ABCA7: variants seen among roughly 807,000 people sequenced by gnomAD.
ABCA7 encodes the protein ATP binding cassette subfamily A member 7, also known as phospholipid-transporting ATPase ABCA7.
A neutral mutation model predicts 227.6 loss-of-function variants in ABCA7; 261 were observed. The ratio of observed to expected loss-of-function variants is 1.15; its 90% CI spans 1.04 to 1.27. ABCA7 has a LOEUF of 1.27. Among genes scored for constraint, ABCA7 ranks in the 50% most tolerant of loss-of-function variants. ABCA7 has a pLI of 0.00. For synonymous variants in ABCA7, 1,488 were observed against 1,279.7 expected, an observed-to-expected ratio of 1.16 and a Z score of -3.47; for missense variants, 3,331 against 2,924.5, an observed-to-expected ratio of 1.14 and a Z score of -3.21.
Position 1,054,641 on chromosome 19 carries a change from C to T in ABCA7, c.3798C>T (p.Tyr1266=). 6.2e-7 allele frequency: 1 copy of T among 1,613,410 alleles called. No individual in the cohort carries two copies. Among genetic ancestry groups the T allele is most frequent in the South Asian group, 1.1e-5 (1 of 91,086 alleles). Residue 1266 remains tyrosine (Y), a synonymous_variant, in exon 28 of 47, where the codon TAC becomes TAT. Transcript: ENST00000263094. The surrounding 1 kb of genome is among the most constrained non-coding windows in gnomAD (Gnocchi z 4.8). ...FSLIVPPFGH[Y]PALRLSPTMY... ...TCATCGTGCCTCCTTTCGGGCACTACCCGGCTCTGCGGCTCAGTCCCACCA... is the reference window on the plus strand; with the variant it reads ...TCATCGTGCCTCCTTTCGGGCACTATCCGGCTCTGCGGCTCAGTCCCACCA...
intron 12 of ABCA7, 23 bp from the exon 13 acceptor site, chr19:1,046,207 C>G: frequency 1.9e-6 from 3 of 1,602,378 alleles, no homozygotes; most frequent in South Asian, 1.1e-5. Context: ...TCCCTACAAC[C>G]GGCCACCATG....
intron 23 of ABCA7, 24 bp downstream of exon 23, chr19:1,052,310 A>G: frequency 6.7e-7 from 1 of 1,491,928 alleles, no homozygotes; most frequent in Non-Finnish European, 8.9e-7. Context: ...TGGGAGACCC[A>G]AGGCGGGTGG....
Position 1,049,268 on chromosome 19 carries a change from C to T in ABCA7, c.2383C>T (p.Leu795=). Residue 795 remains leucine (L), a splice_region_variant and synonymous_variant, in exon 18 of 47, where the codon CTG becomes TTG. Transcript: ENST00000263094. ...PCPTPLDPKV[L]VEEAPPGLSP... is the part of the protein sequence containing the mutation. ...CTGAGTCCACCCCATCTCTGCAGTGCTGGTAGAAGAGGCACCGCCCGGCCT... is the reference window on the plus strand; with the variant it reads ...CTGAGTCCACCCCATCTCTGCAGTGTTGGTAGAAGAGGCACCGCCCGGCCT... The T allele has an allele frequency of 3.1e-6, 5 of 1,601,802 alleles. No homozygotes were observed. Among genetic ancestry groups the T allele is most frequent in the Non-Finnish European group, 4.3e-6 (5 of 1,172,650 alleles).
In ABCA7 at chr19:1,046,994, C is replaced by T. The variant is rs1357475559; in HGVS notation, c.1815C>T (p.Leu605=). The T allele has an allele frequency of 6.3e-7, 1 of 1,576,618 alleles. No homozygotes were observed. Among genetic ancestry groups the T allele is most frequent in the Non-Finnish European group, 8.6e-7 (1 of 1,164,414 alleles). ...WFLSCLGPFL[L]SAALLVLVLK... The stretch of plus-strand genomic sequence containing the variant: ...TCAGCTGCCTCGGGCCCTTCCTGCT[C>T]AGCGCCGCACTGCTGGTTCTGGTGC... Residue 605 remains leucine, a synonymous_variant, in exon 14 of 47, where the codon CTC becomes CTT. Coordinates refer to ENST00000263094, the MANE Select transcript of ABCA7 (RefSeq NM_019112.4).
chr19:1,045,409 C>A, intron 12 of ABCA7, 178 bp downstream of exon 12: 1 of 664,638 alleles, frequency 1.5e-6, no homozygotes, highest in African/African-American at 1.8e-5. Context: ...CCGTGATGGG[C>A]GGGGCCTAGG....
In ABCA7 at chr19:1,063,765, G is replaced by C. The variant is rs2042845462; in HGVS notation, c.5853G>C (p.Glu1951Asp). Residue 1951 changes from glutamate (E) to aspartate (D), a missense_variant, in exon 44 of 47, where the codon GAG becomes GAC. By Grantham distance (45) the Glu-to-Asp change is conservative. Transcript: ENST00000263094. ...VGDPAVVFLD[E>D]PTTGMDPSAR... Reference sequence around the variant, plus strand: ...GGATCTTCCGTGCTCCCCAGGACGAGCCGACCACAGGCATGGACCCCAGCG... The same window carrying C: ...GGATCTTCCGTGCTCCCCAGGACGACCCGACCACAGGCATGGACCCCAGCG... 2 of 1,547,342 alleles carry C rather than the reference G, an allele frequency of 1.3e-6. No individual in the cohort carries two copies.
At chr19:1,045,882 CT>C (rs1233272965) in intron 12 of ABCA7, among the ~76,000 whole-genome samples, 3 of 151,894 alleles carry the variant, frequency 2.0e-5, no homozygotes, top group South Asian at 2.1e-4. Flanking sequence ...TAGCACGCGC[CT>C]GTAGGCCCAG....
chr19:1,059,665 A>G (rs1326120267), intron 40 of ABCA7, among the ~76,000 whole-genome samples: 5 of 139,702 alleles, frequency 3.6e-5, no homozygotes, highest in South Asian at 2.3e-4. Context: ...CCGGGTTCAC[A>G]CCATTTTCCT....
rs979256348 is a variant in ABCA7, at chr19:1,043,717, G to T, written c.931-8G>T. The T allele has an allele frequency of 2.5e-6, 4 of 1,611,350 alleles. No homozygotes were observed. The highest frequency in any genetic ancestry group is 3.4e-6 in the Non-Finnish European group (4 of 1,179,658). On this transcript the variant is annotated splice_polypyrimidine_tract_variant and splice_region_variant and intron_variant, in intron 9 of 46. Coordinates refer to ENST00000263094, the MANE Select transcript of ABCA7 (RefSeq NM_019112.4). The stretch of plus-strand genomic sequence containing the variant: ...GAGGGTCATCAGTGGAGGGGGTGCT[G>T]TCCACAGGTGAACCGGACCTTCGAG...
chr19:1,065,566 G>A lies in ABCA7; in HGVS notation c.*141G>A. ...GAGAAGGCTGGAGAGAAGCCGTGGT[G>A]GTGAAACCGTGTGCATGTGTGTCCT... On this transcript the variant is annotated 3_prime_UTR_variant, in exon 47 of 47. Transcript: ENST00000263094. 1 of 997,956 alleles carries A rather than the reference G, an allele frequency of 1.0e-6. No homozygotes were observed. The highest frequency in any genetic ancestry group is 1.4e-6 in the Non-Finnish European group (1 of 693,504). 61.8% of individuals were successfully genotyped at this position (997,956 alleles called of 1,614,324 possible). A position where few individuals can be genotyped will look rare whatever the true frequency, so the allele number is the denominator to read the frequency against.
intron 45 of ABCA7, 28 bp from the exon 46 acceptor site, chr19:1,064,903 C>G (rs943355523): frequency 1.8e-5 from 28 of 1,549,642 alleles, no homozygotes; most frequent in Non-Finnish European, 2.4e-5. Flanking sequence ...AAGGCCCGAT[C>G]CGGTAGCCCT....
intron 41 of ABCA7, 101 bp from the exon 42 acceptor site, chr19:1,062,071 C>G: frequency 6.5e-7 from 1 of 1,531,716 alleles, no homozygotes; most frequent in Non-Finnish European, 8.8e-7. Flanking sequence ...TGTCCCTTAT[C>G]AGCGTGGCCC....
At position 1,054,067 on chromosome 19, in the gene ABCA7, C is replaced by T. The variant is rs759115879; in HGVS notation, c.3534C>T (p.Leu1178=). ...GIAGLDVTLR[L]KMPPQETALE... ...CTGGCCTAGACGTAACCCTACGGCT[C>T]AAGATGCCGCCACAGGAGACAGCGC... Residue 1178 remains leucine, a synonymous_variant, in exon 26 of 47, where the codon CTC becomes CTT. Coordinates refer to ENST00000263094, the MANE Select transcript of ABCA7 (RefSeq NM_019112.4). This position sits in a 1 kb window ranked among gnomAD's most constrained non-coding sequence, Gnocchi z 4.8. 3.1e-6 allele frequency: 5 copies of T among 1,613,328 alleles called. No homozygotes were observed. In the South Asian group the frequency reaches 3.3e-5, roughly 11 times the overall value.
intron 6 of ABCA7, 34 bp downstream of exon 6, chr19:1,042,431 T>C: frequency 1.2e-6 from 2 of 1,609,282 alleles, no homozygotes; most frequent in Non-Finnish European, 1.7e-6. Flanking sequence ...GCTGACTTCC[T>C]GGGACACTGC....
intron 42 of ABCA7, 126 bp downstream of exon 42, chr19:1,062,439 C>G (rs896916815): frequency 6.2e-6 from 9 of 1,444,742 alleles, no homozygotes; most frequent in South Asian, 3.9e-5. Flanking sequence ...GCCCCCAGAC[C>G]GTGCTTCCTT....
At chr19:1,046,500 C>T in intron 13 of ABCA7, 94 bp downstream of exon 13, 1 of 1,480,540 alleles carries the variant, frequency 6.8e-7, no homozygotes, top group South Asian at 1.3e-5. Flanking sequence ...TTCCTGCGGT[C>T]CAGGCTGCGA....
chr19:1,065,361 T>A lies in ABCA7; in HGVS notation c.6377T>A (p.Leu2126Gln). 6.2e-7 allele frequency: 1 copy of A among 1,613,600 alleles called. No homozygotes were observed. Among genetic ancestry groups the A allele is most frequent in the Non-Finnish European group, 8.5e-7 (1 of 1,179,988 alleles). The change falls in exon 47 of 47, where the codon CTG (leucine) becomes CAG (glutamine). Residue 2126 changes from leucine (L) to glutamine (Q), a missense_variant. Leu to Gln is a moderately radical substitution (Grantham distance 113). Transcript: ENST00000263094. Reference protein sequence around the residue: ...AGVGVDPAPGLQHPKRVSQFL... With the variant: ...AGVGVDPAPGQQHPKRVSQFL... ...GTGGGAGTGGACCCCGCGCCAGGCC[T>A]GCAGCACCCCAAACGCGTCAGCCAG...
At chr19:1,044,153 G>C (rs1023385695) in intron 10 of ABCA7, among the ~76,000 whole-genome samples, 1 of 150,922 alleles carries the variant, frequency 6.6e-6, no homozygotes, top group Non-Finnish European at 1.5e-5. Flanking sequence ...TGTTAGCCAG[G>C]ATGGTCTCGA....
chr19:1,050,760 A>C (rs1276966204), intron 18 of ABCA7, among the ~76,000 whole-genome samples, 161 bp from the exon 19 acceptor site: 2 of 149,730 alleles, frequency 1.3e-5, no homozygotes, highest in African/African-American at 4.9e-5. Context: ...AGCCTGGGCA[A>C]CAGAGTGAAA....
Sources: gnomAD v4.1 joint callset for allele counts (sites outside exome capture counted in the v4.1 genomes callset) on GRCh38, gnomAD v4.1.1 for gene constraint, Gnocchi (gnomAD v3.1) non-coding constraint, MANE v1.5 for transcripts, NCBI Gene and HGNC (gene_info 2026-07-23, HGNC 2026-07-21) for gene names.